TSPEAR: variants seen among roughly 807,000 people sequenced by gnomAD.
TSPEAR encodes thrombospondin-type laminin G domain and EAR repeat-containing protein.
In TSPEAR, 69 loss-of-function variants were observed where a neutral mutation model predicts 71.6. The observed-to-expected ratio is 0.96, with a 90% CI of 0.79 to 1.18. The LOEUF is 1.18. Among genes scored for constraint, TSPEAR ranks in the 50% most tolerant of loss-of-function variants. The probability of loss-of-function intolerance (pLI) is 0.00; values close to 1 mark genes in which losing one functional copy is unlikely to be tolerated. For missense variants in TSPEAR, 971 were observed against 894.9 expected (o/e 1.09, Z -1.09); for synonymous variants, 402 against 387.2 (o/e 1.04, Z -0.45).
intron 1 of TSPEAR, among the ~76,000 whole-genome samples, chr21:44,569,357 A>T (rs1358649232): frequency 6.6e-6 from 1 of 152,206 alleles, no homozygotes; most frequent in Non-Finnish European, 1.5e-5. Flanking sequence ...ACGGGCACTT[A>T]CAAAAACCGG....
At chr21:44,600,971 CTG>C in intron 1 of TSPEAR, 1 of 1,612,064 alleles carries the variant, frequency 6.2e-7, no homozygotes, top group Non-Finnish European at 8.5e-7. Flanking sequence ...TGCTGCAAGA[CTG>C]TCTGCTGCAA....
chr21:44,521,850 A>T, intron 9 of TSPEAR, 33 bp downstream of exon 9: 1 of 1,592,130 alleles, frequency 6.3e-7, no homozygotes, highest in Non-Finnish European at 8.6e-7. Context: ...GTGGCCAGCA[A>T]TGGAGAGCCG....
intron 1 of TSPEAR, among the ~76,000 whole-genome samples, chr21:44,667,727 G>T (rs1359865926): frequency 6.6e-6 from 1 of 152,202 alleles, no homozygotes; most frequent in Non-Finnish European, 1.5e-5. Context: ...ACCCTGTACT[G>T]CAGGGACAGT....
At chr21:44,709,120 C>G (rs878127) in intron 1 of TSPEAR, among the ~76,000 whole-genome samples, 1 of 151,986 alleles carries the variant, frequency 6.6e-6, no homozygotes, top group Non-Finnish European at 1.5e-5. Flanking sequence ...CCCAGCCCCC[C>G]AGAGCCCACC....
chr21:44,513,990 GC>G (rs1160161105), intron 9 of TSPEAR, among the ~76,000 whole-genome samples: 1 of 152,136 alleles, frequency 6.6e-6, no homozygotes, highest in Non-Finnish European at 1.5e-5. Flanking sequence ...ACTCTTGGGT[GC>G]CCCCCGTGCT....
intron 1 of TSPEAR, among the ~76,000 whole-genome samples, chr21:44,700,455 C>G (rs1555951374): frequency 6.6e-6 from 1 of 152,174 alleles, no homozygotes; most frequent in Non-Finnish European, 1.5e-5. Flanking sequence ...ACGAGAAGAG[C>G]CGAGGGAGCA....
intron 10 of TSPEAR, chr21:44,508,559 G>A (rs77574596): frequency 3.5e-6 from 4 of 1,132,174 alleles, no homozygotes; most frequent in African/African-American, 3.2e-5. Context: ...CCCAGAGGAC[G>A]CCCCACACTG....
intron 1 of TSPEAR, among the ~76,000 whole-genome samples, chr21:44,638,691 C>T (rs1306135631): frequency 1.3e-5 from 2 of 152,050 alleles, no homozygotes; most frequent in South Asian, 4.2e-4. Context: ...GCCCCGTGGG[C>T]CCCCAACCCC....
intron 1 of TSPEAR, among the ~76,000 whole-genome samples, chr21:44,585,980 C>T (rs1164742675): frequency 6.6e-6 from 1 of 152,202 alleles, no homozygotes; most frequent in South Asian, 2.1e-4. Context: ...CAGGGTGGGG[C>T]CTTGTCTGCC....
rs997100118 is a variant in TSPEAR at position 44,538,432 on chromosome 21, C to T, written c.304-4509G>A. Among the ~76,000 whole-genome samples the T allele has an allele frequency of 1.0e-4, 15 of 146,258 alleles. No individual in the cohort carries two copies. The South Asian group carries it at 2.5e-3, about 25-fold the overall frequency. On this transcript the variant is annotated intron_variant, in intron 2 of 11. Coordinates refer to ENST00000323084, the MANE Select transcript of TSPEAR (RefSeq NM_144991.3). ...TGTGTGGAAACTGCTGCCCCCCCCCCCCCCAAGAGGAGAACCTGGGCAGCG... is the reference window on the plus strand; with the variant it reads ...TGTGTGGAAACTGCTGCCCCCCCCCTCCCCAAGAGGAGAACCTGGGCAGCG...
At chr21:44,654,120 C>A (rs116499820) in intron 1 of TSPEAR, 1 of 642,844 alleles carries the variant, frequency 1.6e-6, no homozygotes, top group Non-Finnish European at 2.8e-6. Context: ...ATGGCCTCAC[C>A]GGCTGGGATC....
intron 7 of TSPEAR, among the ~76,000 whole-genome samples, chr21:44,526,854 C>A (rs759802129): frequency 6.6e-6 from 1 of 152,240 alleles, no homozygotes; most frequent in Non-Finnish European, 1.5e-5. Flanking sequence ...CCTGCGAGGT[C>A]CCACCCATGG....
At chr21:44,521,773 C>G (rs1339807674) in intron 9 of TSPEAR, 110 bp downstream of exon 9, 3 of 1,038,142 alleles carry the variant, frequency 2.9e-6, no homozygotes, top group Non-Finnish European at 4.3e-6. Flanking sequence ...CAGAGCAGCA[C>G]TAGGTTTGGC....
chr21:44,526,393 A>G (rs1167791844), intron 7 of TSPEAR, among the ~76,000 whole-genome samples: 1 of 152,224 alleles, frequency 6.6e-6, no homozygotes, highest in Non-Finnish European at 1.5e-5. Context: ...TGGATGATGG[A>G]ACAAAATATT....
intron 1 of TSPEAR, among the ~76,000 whole-genome samples, chr21:44,700,817 C>A (rs1157788212): frequency 2.0e-5 from 3 of 152,202 alleles, no homozygotes; most frequent in Admixed American, 1.3e-4. Flanking sequence ...CTTCAGGAAG[C>A]CTTCGTGACC....
At chr21:44,631,173 T>G (rs1378530576) in intron 1 of TSPEAR, among the ~76,000 whole-genome samples, 2 of 151,368 alleles carry the variant, frequency 1.3e-5, no homozygotes, top group Non-Finnish European at 2.9e-5. Context: ...TTAAATATAC[T>G]CAAAGAGCTA....
Position 44,527,538 on chromosome 21 carries a change from G to T in TSPEAR, c.923-20C>A. ...CTTTGGCTTGTGATAGAAACGTTGT[G>T]ACTCGGTTAAGATTTCCGAGAACGG... On this transcript the variant is annotated intron_variant, in intron 6 of 11. Transcript: ENST00000323084. The T allele has an allele frequency of 6.2e-7, 1 of 1,610,810 alleles. No individual in the cohort carries two copies. Among genetic ancestry groups the T allele is most frequent in the South Asian group, 1.1e-5 (1 of 91,012 alleles).
Position 44,687,436 on chromosome 21 carries a change from G to A in TSPEAR, c.82+23997C>T, listed in dbSNP as rs1376883018. Among the ~76,000 whole-genome samples the A allele has an allele frequency of 4.6e-5, 7 of 152,176 alleles. No individual in the cohort carries two copies. Among genetic ancestry groups the A allele is most frequent in the Non-Finnish European group, 8.8e-5 (6 of 68,036 alleles). On this transcript the variant is annotated intron_variant, in intron 1 of 11. Coordinates refer to ENST00000323084, the MANE Select transcript of TSPEAR (RefSeq NM_144991.3). This position sits in a 1 kb window ranked among gnomAD's most constrained non-coding sequence, Gnocchi z 4.4. ...ACACAGCGTGACAGAGCGGTACAGC[G>A]GAATCCACACCAGCACTGAGGGCGG... is the stretch of plus-strand genomic sequence containing the variant.
intron 1 of TSPEAR, among the ~76,000 whole-genome samples, chr21:44,685,039 G>T (rs1215907218): frequency 6.6e-6 from 1 of 152,072 alleles, no homozygotes; most frequent in Non-Finnish European, 1.5e-5. Context: ...GCCACAGATC[G>T]GCTCTGGGTC....
Sources: allele counts gnomAD v4.1 joint callset (sites outside exome capture counted in the v4.1 genomes callset), GRCh38; gene constraint gnomAD v4.1.1; non-coding constraint Gnocchi (gnomAD v3.1); transcripts MANE v1.5; gene names NCBI Gene and HGNC (gene_info 2026-07-23, HGNC 2026-07-21).